MAST3: variants seen among roughly 807,000 people sequenced by gnomAD.
MAST3 encodes microtubule associated serine/threonine kinase 3.
Under a neutral mutation model 127.0 loss-of-function variants are expected in MAST3, and 43 were observed. The observed-to-expected ratio is 0.34, with a 90% CI of 0.27 to 0.44. MAST3 has a LOEUF of 0.44. Among genes scored for constraint, MAST3 ranks in the 20% least tolerant of loss-of-function variants. MAST3 has a pLI of 1.00. For missense variants in MAST3, 1,390 were observed against 1,919.1 expected, an observed-to-expected ratio of 0.72 and a Z score of 5.15; for synonymous variants, 785 against 809.2, an observed-to-expected ratio of 0.97 and a Z score of 0.51.
At chr19:18,129,129 C>T in intron 13 of MAST3, 178 bp downstream of exon 13, 1 of 628,332 alleles carries the variant, frequency 1.6e-6, no homozygotes, top group Non-Finnish European at 2.8e-6. Context: ...AGCGAGGTTA[C>T]AGCCTCATGT....
Position 18,145,010 on chromosome 19 carries a change from C to A in MAST3, c.2820C>A (p.Gly940=). 1 of 1,558,028 alleles carries A rather than the reference C, an allele frequency of 6.4e-7. No individual in the cohort carries two copies. Among genetic ancestry groups the A allele is most frequent in the Non-Finnish European group, 8.8e-7 (1 of 1,136,364 alleles). The change falls in exon 24 of 28, where the codon GGC becomes GGA. Residue 940 remains glycine, a synonymous_variant. Coordinates refer to ENST00000687212, the MANE Select transcript of MAST3 (RefSeq NM_001393504.1). This position sits in a 1 kb window ranked among gnomAD's most constrained non-coding sequence, Gnocchi z 5.9. ...ALSLIITADD[G]SGGPLMSPLS... ...CTCCCTAACCCCCTGCAGATGATGG[C>A]AGCGGCGGCCCCCTCATGAGCCCCC...
At chr19:18,117,825 CG>C (rs1179910043) in intron 3 of MAST3, among the ~76,000 whole-genome samples, 7 of 151,596 alleles carry the variant, frequency 4.6e-5, no homozygotes, top group African/African-American at 1.7e-4. Context: ...TAGCAACGCC[CG>C]GCCTCAGCCG....
At chr19:18,123,494 C>A (rs1205256596) in intron 7 of MAST3, 86 bp from the exon 8 acceptor site, 26 of 1,467,208 alleles carry the variant, frequency 1.8e-5, no homozygotes, top group Non-Finnish European at 2.4e-5. Context: ...TGATTCTTGT[C>A]CCTCAACCCT....
chr19:18,098,149 C>T (rs1392443958), intron 1 of MAST3, among the ~76,000 whole-genome samples: 1 of 152,116 alleles, frequency 6.6e-6, no homozygotes, highest in East Asian at 1.9e-4. Flanking sequence ...AGAGAGCTCA[C>T]CATATGTTCA....
chr19:18,119,039 A>T (rs969947441), intron 3 of MAST3, among the ~76,000 whole-genome samples: 2 of 152,148 alleles, frequency 1.3e-5, no homozygotes, highest in African/African-American at 4.8e-5. Flanking sequence ...TTTCTGCCAC[A>T]TTCTCTCTGT....
chr19:18,099,837 G>A (rs1355819956), intron 1 of MAST3, among the ~76,000 whole-genome samples: 1 of 152,238 alleles, frequency 6.6e-6, no homozygotes, highest in African/African-American at 2.4e-5. Context: ...AGAGGCTGAT[G>A]GCCAGGACTT....
At chr19:18,129,379 G>C (rs971607277) in intron 13 of MAST3, 2 of 170,274 alleles carry the variant, frequency 1.2e-5, no homozygotes, top group African/African-American at 4.8e-5. Context: ...GGAACTCCCC[G>C]GGCAGAGGGG....
Position 18,149,197 on chromosome 19 carries a change from C to T in MAST3, c.3515C>T (p.Thr1172Ile). ...CTACGCTTATCACCCACAGATACCA[C>T]TGCATCCCCACCCAGCGCATCCCCG... ...SPAPDVPADT[T>I]ASPPSASPSS... Residue 1172 changes from threonine to isoleucine, a missense_variant, in exon 28 of 28, where the codon ACT becomes ATT. By Grantham distance (89) the Thr-to-Ile change is moderately conservative (BLOSUM62 -1). Around this residue, in one of 5 missense-constraint regions of MAST3, gnomAD observed 816 missense variants for 934.1 expected, o/e 0.87. Transcript: ENST00000687212. The surrounding 1 kb of genome is among the most constrained non-coding windows in gnomAD (Gnocchi z 5.9). The T allele has an allele frequency of 6.6e-7, 1 of 1,522,974 alleles. No homozygotes were observed. The allele number at this position is 1,522,974 out of a possible 1,614,324, so 94.3% of individuals were successfully genotyped here.
At chr19:18,125,887 C>G (rs1323553447) in intron 11 of MAST3, among the ~76,000 whole-genome samples, 1 of 151,176 alleles carries the variant, frequency 6.6e-6, no homozygotes, top group Non-Finnish European at 1.5e-5. Flanking sequence ...TGCAGAAACT[C>G]CATCTCTACT....
intron 7 of MAST3, 95 bp downstream of exon 7, chr19:18,123,469 C>A: frequency 6.8e-7 from 1 of 1,480,312 alleles, no homozygotes; most frequent in South Asian, 1.3e-5. Context: ...CCTGACCCTG[C>A]CTGAGCCTAG....
chr19:18,147,638 G>C lies in MAST3; in HGVS notation c.3508+14G>C. 1 of 1,509,578 alleles carries C rather than the reference G, an allele frequency of 6.6e-7. No homozygotes were observed. Among genetic ancestry groups the C allele is most frequent in the Non-Finnish European group, 8.9e-7 (1 of 1,122,462 alleles). 93.5% of individuals were successfully genotyped at this position (1,509,578 alleles called of 1,614,324 possible). A position where few individuals can be genotyped will look rare whatever the true frequency, so the allele number is the denominator to read the frequency against. Reference sequence around the variant, plus strand: ...ATGTCCCAGCAGGTGGGTGCACCCCGACCCCCCACCACCCCGGCTACCCTG... The same window carrying C: ...ATGTCCCAGCAGGTGGGTGCACCCCCACCCCCCACCACCCCGGCTACCCTG... On this transcript the variant is annotated intron_variant, in intron 27 of 27. Transcript: ENST00000687212.
At chr19:18,138,897 C>A in intron 19 of MAST3, 118 bp from the exon 20 acceptor site, 2 of 704,196 alleles carry the variant, frequency 2.8e-6, no homozygotes, top group South Asian at 1.7e-5. Flanking sequence ...ACTGTCCCAC[C>A]TCAGAGCCTT....
chr19:18,102,445 C>T (rs540537443), intron 1 of MAST3, among the ~76,000 whole-genome samples: 13 of 150,832 alleles, frequency 8.6e-5, no homozygotes, highest in Non-Finnish European at 1.6e-4. Context: ...TCCCAAAGTC[C>T]TGGGATTACA....
At chr19:18,141,373 C>CTTTTTTTT (rs1258607951) in intron 20 of MAST3, among the ~76,000 whole-genome samples, 7 of 16,360 alleles carry the variant, frequency 4.3e-4, no homozygotes, top group Non-Finnish European at 6.4e-4. Flanking sequence ...ACTAAGCCAG[C>CTTTTTTTT]TTTCTTTTTT....
At chr19:18,109,559 C>A (rs2038341199) in intron 2 of MAST3, among the ~76,000 whole-genome samples, 1 of 140,620 alleles carries the variant, frequency 7.1e-6, no homozygotes, top group Non-Finnish European at 1.6e-5. Context: ...TCAAGAGGGC[C>A]AGAGTGAGAC....
chr19:18,120,972 C>T (rs946382892), intron 3 of MAST3, among the ~76,000 whole-genome samples: 10 of 152,094 alleles, frequency 6.6e-5, no homozygotes, highest in Non-Finnish European at 1.0e-4. Flanking sequence ...CTACCCACCT[C>T]GGCCTCCCAA....
Position 18,121,733 on chromosome 19 carries a change from G to A in MAST3, c.210G>A (p.Pro70=), listed in dbSNP as rs528345516. Residue 70 remains proline, a synonymous_variant, in exon 4 of 28, where the codon CCG becomes CCA. Transcript: ENST00000687212. ...RKSLVVGTPS[P]TLSRPLSPLS... ...GCTTGGTGGTAGGAACGCCCTCCCC[G>A]ACCCTCTCCCGGCCCCTGTCGCCAT... 5.8e-5 allele frequency: 94 copies of A among 1,613,998 alleles called. 1 individual carries two copies. In the South Asian group the frequency reaches 8.5e-4, roughly 15 times the overall value.
At chr19:18,120,785 G>A (rs1256043485) in intron 3 of MAST3, among the ~76,000 whole-genome samples, 1 of 151,746 alleles carries the variant, frequency 6.6e-6, no homozygotes, top group African/African-American at 2.4e-5. Context: ...GGAGTGTAAC[G>A]GCACGATCTC....
chr19:18,139,889 T>G (rs1329059972), intron 20 of MAST3, among the ~76,000 whole-genome samples: 2 of 146,822 alleles, frequency 1.4e-5, no homozygotes, highest in Non-Finnish European at 3.0e-5. Context: ...GCGTGATCTC[T>G]GCTCACTGCA....
Sources: allele counts gnomAD v4.1 joint callset (sites outside exome capture counted in the v4.1 genomes callset), GRCh38; gene constraint gnomAD v4.1.1; regional missense constraint gnomAD v4.1.1; non-coding constraint Gnocchi (gnomAD v3.1); transcripts MANE v1.5; gene names NCBI Gene and HGNC (gene_info 2026-07-23, HGNC 2026-07-21).